KDM4C: variants seen among roughly 807,000 people sequenced by gnomAD.
KDM4C encodes the protein lysine demethylase 4C, also known as lysine-specific demethylase 4C.
In KDM4C, 81 loss-of-function variants were observed where a neutral mutation model predicts 129.3. The observed-to-expected ratio is 0.63, with a 90% confidence interval of 0.52 to 0.75. The LOEUF (loss-of-function observed/expected upper bound fraction) is 0.75, where lower values mean the gene tolerates loss of function less well. KDM4C is among the 30% of genes least tolerant of loss of function. KDM4C has a pLI of 0.00. For synonymous variants in KDM4C, 573 were observed against 456.1 expected (o/e 1.26, Z -3.26); for missense variants, 1,457 against 1,304.0 (o/e 1.12, Z -1.81).
intron 17 of KDM4C, among the ~76,000 whole-genome samples, chr9:7,100,255 G>A (rs1836915714): frequency 6.6e-6 from 1 of 152,186 alleles, no homozygotes; most frequent in South Asian, 2.1e-4. Flanking sequence ...AATTGTCAGT[G>A]TCTCAGTAGG....
At chr9:6,757,600 C>T (rs548157448), upstream of KDM4C, 5 of 982,696 alleles carry the variant, frequency 5.1e-6, no homozygotes, top group Non-Finnish European at 4.8e-6. Context: ...TCCGAGGCTC[C>T]ACCCCGGTAA....
At chr9:7,074,773 G>C (rs1833692691) in intron 17 of KDM4C, among the ~76,000 whole-genome samples, 1 of 152,126 alleles carries the variant, frequency 6.6e-6, no homozygotes, top group Non-Finnish European at 1.5e-5. Context: ...TTTGGCTGCT[G>C]TATAGGGTAT....
At chr9:7,001,631 A>G (rs928001955) in intron 12 of KDM4C, among the ~76,000 whole-genome samples, 2 of 152,126 alleles carry the variant, frequency 1.3e-5, no homozygotes, top group Admixed American at 6.5e-5. Flanking sequence ...TCTCCCTAGC[A>G]GCTGTTTTGT....
At chr9:6,927,037 T>C (rs1323575573) in intron 8 of KDM4C, among the ~76,000 whole-genome samples, 1 of 152,198 alleles carries the variant, frequency 6.6e-6, no homozygotes, top group Non-Finnish European at 1.5e-5. Context: ...ATTTTAATCA[T>C]TGTTAACAGA....
intron 1 of KDM4C, among the ~76,000 whole-genome samples, chr9:6,784,241 C>T (rs1824995213): frequency 6.6e-6 from 1 of 152,110 alleles, no homozygotes; most frequent in Non-Finnish European, 1.5e-5. Context: ...TGAGGTCACA[C>T]AGCTACTAAG....
chr9:6,729,062 G>A (rs62566466), intron 1 of KDM4C, among the ~76,000 whole-genome samples: 12,901 of 150,686 alleles, frequency 0.086, 737 homozygotes, highest in Non-Finnish European at 0.12. Context: ...AAAATTAGCC[G>A]GGTGAGGTGG....
At chr9:7,010,492 C>T (rs150058712) in intron 12 of KDM4C, among the ~76,000 whole-genome samples, 1 of 152,206 alleles carries the variant, frequency 6.6e-6, no homozygotes, top group African/African-American at 2.4e-5. Context: ...GGCTGGAACA[C>T]ACTTACTCAC....
intron 17 of KDM4C, among the ~76,000 whole-genome samples, chr9:7,063,782 C>T (rs1024331552): frequency 3.3e-5 from 5 of 152,110 alleles, no homozygotes; most frequent in Admixed American, 2.6e-4. Flanking sequence ...CTAATCTGAG[C>T]CCTGGAGAGC....
At chr9:6,862,053 T>C (rs868016813) in intron 5 of KDM4C, among the ~76,000 whole-genome samples, 5 of 152,192 alleles carry the variant, frequency 3.3e-5, no homozygotes, top group Non-Finnish European at 7.3e-5. Flanking sequence ...ATTACAGGTG[T>C]GAGCCAACGC....
intron 17 of KDM4C, among the ~76,000 whole-genome samples, chr9:7,088,630 GATTACA>G (rs1266022018): frequency 6.6e-6 from 1 of 152,118 alleles, no homozygotes; most frequent in Admixed American, 6.5e-5. Context: ...TGTCTTAATG[GATTACA>G]TTTGCTACAT....
chr9:7,097,243 CA>C (rs1836544127), intron 17 of KDM4C, among the ~76,000 whole-genome samples: 1 of 152,242 alleles, frequency 6.6e-6, no homozygotes, highest in African/African-American at 2.4e-5. Context: ...AGCCAGCGTG[CA>C]GCATGTCTGC....
intron 8 of KDM4C, among the ~76,000 whole-genome samples, chr9:6,918,302 T>G (rs1277842271): frequency 1.3e-5 from 2 of 152,234 alleles, no homozygotes; most frequent in Admixed American, 1.3e-4. Context: ...GTTAATTTTC[T>G]TAGGATAACG....
At chr9:6,747,295 C>T (rs1588060497) in intron 1 of KDM4C, among the ~76,000 whole-genome samples, 1 of 151,990 alleles carries the variant, frequency 6.6e-6, no homozygotes, top group Non-Finnish European at 1.5e-5. Flanking sequence ...AGCCTGTAAT[C>T]CCAGCACTTT....
At chr9:7,110,417 T>G (rs1838189252) in intron 18 of KDM4C, among the ~76,000 whole-genome samples, 1 of 152,216 alleles carries the variant, frequency 6.6e-6, no homozygotes, top group Non-Finnish European at 1.5e-5. Context: ...TTTAATAAAT[T>G]TATTTTTATA....
At chr9:6,839,844 A>G (rs866382562) in intron 4 of KDM4C, among the ~76,000 whole-genome samples, 28 of 152,174 alleles carry the variant, frequency 1.8e-4, no homozygotes, top group African/African-American at 6.7e-4. Flanking sequence ...TGGAGGTTGC[A>G]GTGAGCAGAG....
intron 8 of KDM4C, among the ~76,000 whole-genome samples, chr9:6,914,397 T>C (rs1012639263): frequency 1.6e-4 from 24 of 152,116 alleles, no homozygotes; most frequent in Non-Finnish European, 2.9e-4. Context: ...TAATAAAGCA[T>C]TGTCTAAGAC....
rs149523996 is a variant in KDM4C at position 6,884,868 on chromosome 9, A to G, written c.680-3092A>G. 6.4e-3 allele frequency among the ~76,000 whole-genome samples: 974 copies of G among 152,358 alleles called. 17 individuals carry two copies. The highest frequency in any genetic ancestry group is 0.022 in the African/African-American group (935 of 41,574). ...AAATAATTTCTTAGCAATAGCTAAT[A>G]TATTATAAACTATAAACCAGTTGAC... On this transcript the variant is annotated intron_variant, in intron 6 of 21. Transcript: ENST00000381309.
rs530218147 is a variant in KDM4C at position 6,732,778 on chromosome 9, C to A, written c.49+11781C>A. Among the ~76,000 whole-genome samples, 13 of 152,182 alleles carry A rather than the reference C, an allele frequency of 8.5e-5. No individual in the cohort carries two copies. The South Asian group carries it at 2.3e-3, about 27-fold the overall frequency. On this transcript the variant is annotated intron_variant, in intron 1 of 17. Transcript: ENST00000536108. ...CTATAACTGCAGCACTTTGGGAGGC[C>A]GAGATGGGCAGATCATTTGAGGTCA... is the stretch of plus-strand genomic sequence containing the variant.
intron 1 of KDM4C, among the ~76,000 whole-genome samples, chr9:6,765,273 A>G (rs1056918480): frequency 6.6e-6 from 1 of 152,014 alleles, no homozygotes; most frequent in Non-Finnish European, 1.5e-5. Flanking sequence ...ACTGTATACA[A>G]CCTTCCTGAA....
Sources: gnomAD v4.1 joint callset for allele counts (sites outside exome capture counted in the v4.1 genomes callset) on GRCh38, gnomAD v4.1.1 for gene constraint, MANE v1.5 for transcripts, NCBI Gene and HGNC (gene_info 2026-07-23, HGNC 2026-07-21) for gene names.